Variants in RICTOR observed in about 807,000 individuals in gnomAD.
RICTOR encodes the protein rapamycin-insensitive companion of mTOR.
Under a neutral mutation model 214.9 loss-of-function variants are expected in RICTOR, and 49 were observed. That is an observed-to-expected ratio of 0.23 (90% CI 0.18 to 0.29). RICTOR has a LOEUF of 0.29. Among genes scored for constraint, RICTOR ranks in the 10% least tolerant of loss-of-function variants. The probability of loss-of-function intolerance (pLI) is 1.00; values close to 1 mark genes in which losing one functional copy is unlikely to be tolerated. For missense variants in RICTOR, 1,625 were observed against 2,047.0 expected, an observed-to-expected ratio of 0.79 and a Z score of 3.98; for synonymous variants, 717 against 711.3, an observed-to-expected ratio of 1.01 and a Z score of -0.13.
At chr5:39,047,274 T>C (rs1757557812) in intron 2 of RICTOR, among the ~76,000 whole-genome samples, 1 of 152,128 alleles carries the variant, frequency 6.6e-6, no homozygotes, top group South Asian at 2.1e-4. Flanking sequence ...TCAGATGAAA[T>C]TGTTCCACCT....
intron 2 of RICTOR, among the ~76,000 whole-genome samples, chr5:39,059,290 T>G (rs918166690): frequency 1.3e-5 from 2 of 152,130 alleles, no homozygotes; most frequent in Non-Finnish European, 2.9e-5. Flanking sequence ...ATGAGTACAT[T>G]TTATAAAGTT....
At chr5:38,947,022 A>C (rs1748285291) in intron 32 of RICTOR, among the ~76,000 whole-genome samples, 1 of 152,128 alleles carries the variant, frequency 6.6e-6, no homozygotes, top group East Asian at 1.9e-4. Context: ...ATCAAATGAG[A>C]TACTGATTTA....
At chr5:39,061,030 C>T (rs1758506076) in intron 2 of RICTOR, among the ~76,000 whole-genome samples, 1 of 152,006 alleles carries the variant, frequency 6.6e-6, no homozygotes, top group Non-Finnish European at 1.5e-5. Context: ...GTTTTTAACA[C>T]ACTCCCCAAC....
At chr5:39,012,959 A>T (rs1754655424) in intron 3 of RICTOR, among the ~76,000 whole-genome samples, 1 of 152,118 alleles carries the variant, frequency 6.6e-6, no homozygotes, top group African/African-American at 2.4e-5. Flanking sequence ...ATTAAGGATG[A>T]TGTATTTTAT....
chr5:38,982,561 T>A (rs975813160), intron 7 of RICTOR, among the ~76,000 whole-genome samples: 1 of 152,166 alleles, frequency 6.6e-6, no homozygotes, highest in Non-Finnish European at 1.5e-5. Flanking sequence ...CGGTTTTCAA[T>A]CTGTTAGGAA....
At chr5:39,008,375 G>A (rs1303136753) in intron 3 of RICTOR, among the ~76,000 whole-genome samples, 3 of 151,902 alleles carry the variant, frequency 2.0e-5, no homozygotes, top group Non-Finnish European at 4.4e-5. Context: ...CTCAACCCTG[G>A]TAGTACTTCT....
Position 38,941,782 on chromosome 5 carries a change from C to T in RICTOR, c.*522G>A, listed in dbSNP as rs373115684. 5.2e-5 allele frequency: 12 copies of T among 232,736 alleles called. No homozygotes were observed. Among genetic ancestry groups the T allele is most frequent in the East Asian group, 1.8e-4 (3 of 16,412 alleles). The allele number at this position is 232,736 out of a possible 1,614,324, so 14.4% of individuals were successfully genotyped here. On this transcript the variant is annotated 3_prime_UTR_variant, in exon 38 of 38. Coordinates refer to ENST00000357387, the MANE Select transcript of RICTOR (RefSeq NM_152756.5). ...GTAGTGTTACAAACATTAAGAAAAACGTGAAAGGGCCAAAGTTCCCTCTCT... is the reference window on the plus strand; with the variant it reads ...GTAGTGTTACAAACATTAAGAAAAATGTGAAAGGGCCAAAGTTCCCTCTCT...
At chr5:39,043,472 G>A (rs1757298782) in intron 2 of RICTOR, among the ~76,000 whole-genome samples, 1 of 152,152 alleles carries the variant, frequency 6.6e-6, no homozygotes, top group South Asian at 2.1e-4. Context: ...GGAGGGTAGA[G>A]GAGAAATAGA....
Position 38,945,282 on chromosome 5 carries a change from A to T in RICTOR, c.4633+209T>A. On this transcript the variant is annotated intron_variant, in intron 34 of 37. Transcript: ENST00000357387. ...GGCTGTTCACAGTGGAAAAGACCTA[A>T]TCCAGGGATCTGTCAGACTCAGGCC... 6.6e-6 allele frequency: 4 copies of T among 608,310 alleles called. No homozygotes were observed. In the East Asian group the frequency reaches 1.1e-4, roughly 17 times the overall value. 37.7% of individuals were successfully genotyped at this position (608,310 alleles called of 1,614,324 possible).
rs1669823763 is a variant in RICTOR, at chr5:38,950,438, G to T, written c.3410C>A (p.Pro1137His). 6.2e-7 allele frequency: 1 copy of T among 1,613,120 alleles called. No homozygotes were observed. Among genetic ancestry groups the T allele is most frequent in the African/African-American group, 1.3e-5 (1 of 74,780 alleles). ...SNRRIRTLTE[P>H]SVDFNHSDDF... The stretch of plus-strand genomic sequence containing the variant: ...ATCACTATGATTAAAATCAACACTG[G>T]GCTCCGTAAGTGTTCTGATTCGCCT... Residue 1137 changes from proline to histidine, a missense_variant, in exon 31 of 38, where the codon CCC becomes CAC. Coordinates refer to ENST00000357387, the MANE Select transcript of RICTOR (RefSeq NM_152756.5).
At chr5:38,955,527 CA>C in intron 26 of RICTOR, 67 bp downstream of exon 26, 2 of 887,662 alleles carry the variant, frequency 2.3e-6, no homozygotes, top group South Asian at 1.4e-5. Flanking sequence ...GCAGAATATA[CA>C]AAAACTCAGA....
At chr5:39,035,681 T>G (rs961191446) in intron 2 of RICTOR, among the ~76,000 whole-genome samples, 1 of 152,174 alleles carries the variant, frequency 6.6e-6, no homozygotes, top group Non-Finnish European at 1.5e-5. Flanking sequence ...GGCACAAGCC[T>G]CAGTAGCCGA....
chr5:38,994,105 G>A (rs1182474435), intron 6 of RICTOR, among the ~76,000 whole-genome samples: 1 of 151,974 alleles, frequency 6.6e-6, no homozygotes, highest in Non-Finnish European at 1.5e-5. Context: ...CAGGAGAATG[G>A]CTTGAACCCG....
intron 7 of RICTOR, among the ~76,000 whole-genome samples, chr5:38,983,057 C>T (rs1239266): frequency 0.96 from 146,217 of 152,148 alleles, 70,352 homozygotes; most frequent in East Asian, 0.99. Context: ...CCACTCAACA[C>T]ACAGAACTCT....
rs2069100681 is a variant in RICTOR at position 38,958,820 on chromosome 5, G to C, written c.2190C>G (p.Leu730=). The C allele has an allele frequency of 6.3e-7, 1 of 1,587,594 alleles. No homozygotes were observed. The highest frequency in any genetic ancestry group is 8.6e-7 in the Non-Finnish European group (1 of 1,167,034). Residue 730 remains leucine, a synonymous_variant, in exon 23 of 38, where the codon CTC becomes CTG. Transcript: ENST00000357387. ...ILTAATDACR[L]YATKHLRVLL... is the part of the protein sequence containing the mutation. Reference sequence around the variant, plus strand: ...ATACCCTTAAATGTTTTGTTGCATAGAGTCTGCAGGCCTATAAGGATAAAT... The same window carrying C: ...ATACCCTTAAATGTTTTGTTGCATACAGTCTGCAGGCCTATAAGGATAAAT...
At chr5:38,962,831 T>G in intron 17 of RICTOR, 45 bp downstream of exon 17, 1 of 1,503,056 alleles carries the variant, frequency 6.7e-7, no homozygotes, top group Non-Finnish European at 9.3e-7. Flanking sequence ...GTTAAGGAAT[T>G]AAGATGTTGT....
chr5:38,976,993 T>C (rs1751290572), intron 9 of RICTOR, among the ~76,000 whole-genome samples: 2 of 152,010 alleles, frequency 1.3e-5, no homozygotes, highest in Admixed American at 1.3e-4. Context: ...TAAGAAAGAG[T>C]ATACAGCATA....
chr5:39,062,942 C>A (rs1758652690), intron 2 of RICTOR, among the ~76,000 whole-genome samples: 3 of 152,116 alleles, frequency 2.0e-5, no homozygotes, highest in African/African-American at 7.2e-5. Flanking sequence ...TTCAAATATT[C>A]TGACTGTCAG....
At chr5:39,035,314 C>G (rs1057074438) in intron 2 of RICTOR, among the ~76,000 whole-genome samples, 2 of 152,098 alleles carry the variant, frequency 1.3e-5, no homozygotes, top group African/African-American at 4.8e-5. Flanking sequence ...CACCAAAAAC[C>G]CATCTGTACG....
Sources: gnomAD v4.1 joint callset for allele counts (sites outside exome capture counted in the v4.1 genomes callset) on GRCh38, gnomAD v4.1.1 for gene constraint, MANE v1.5 for transcripts, NCBI Gene and HGNC (gene_info 2026-07-23, HGNC 2026-07-21) for gene names.